Variants in NSD1 observed in about 807,000 individuals in gnomAD.
The protein encoded by NSD1 is nuclear receptor binding SET domain protein 1.
A neutral mutation model predicts 242.7 loss-of-function variants in NSD1; 26 were observed. The ratio of observed to expected loss-of-function variants is 0.11; its 90% confidence interval spans 0.08 to 0.15. NSD1 has a LOEUF of 0.15. NSD1 is among the 10% of genes least tolerant of loss of function. The pLI is 1.00. For missense variants in NSD1, 2,495 were observed against 3,272.8 expected, an observed-to-expected ratio of 0.76 and a Z score of 5.80; for synonymous variants, 1,106 against 1,178.1, an observed-to-expected ratio of 0.94 and a Z score of 1.25.
intron 5 of NSD1, among the ~76,000 whole-genome samples, chr5:177,232,532 T>C (rs75911105): frequency 2.7e-4 from 41 of 152,312 alleles, no homozygotes; most frequent in Non-Finnish European, 4.9e-4. Context: ...AGGGAAAAAC[T>C]ATCCTTCCAT....
chr5:177,223,876 C>T (rs748869967), intron 5 of NSD1, among the ~76,000 whole-genome samples: 38 of 152,056 alleles, frequency 2.5e-4, no homozygotes, highest in Non-Finnish European at 4.1e-4. Context: ...ATCCCAGCTA[C>T]TCAAGAGGCT....
chr5:177,248,475 T>G, intron 11 of NSD1, 151 bp downstream of exon 11: 4 of 1,057,190 alleles, frequency 3.8e-6, no homozygotes, highest in Non-Finnish European at 5.7e-6. Context: ...TGACCCCTTT[T>G]TTTCTCCCCA....
At chr5:177,153,211 T>G (rs1287053188) in intron 2 of NSD1, among the ~76,000 whole-genome samples, 3 of 151,260 alleles carry the variant, frequency 2.0e-5, no homozygotes, top group Admixed American at 6.6e-5. Flanking sequence ...TTTTTCTGTT[T>G]TTTTTTTTTT....
chr5:177,185,699 A>G (rs1351973252), intron 2 of NSD1, among the ~76,000 whole-genome samples: 1 of 115,454 alleles, frequency 8.7e-6, no homozygotes, highest in Non-Finnish European at 1.7e-5. Context: ...GTTTTTTATT[A>G]TAATATATAT....
rs150492535 is a variant in NSD1, at chr5:177,207,593, A to ATTTTTTTTTTTTTTTTTTTTTT, written c.1237-2035_1237-2014dup. 8.9e-5 allele frequency among the ~76,000 whole-genome samples: 7 copies of ATTTTTTTTTTTTTTTTTTTTTT among 78,220 alleles called. 2 individuals carry two copies. The highest frequency in any genetic ancestry group is 4.9e-4 in the African/African-American group (7 of 14,182). The allele number at this position is 78,220 out of a possible 152,430, so 51.3% of individuals were successfully genotyped here. A position where few individuals can be genotyped will look rare whatever the true frequency, so the allele number is the denominator to read the frequency against. The stretch of plus-strand genomic sequence containing the variant: ...CACCGTGCCTGGCCTATTTATTTAA[A>ATTTTTTTTTTTTTTTTTTTTTT]TTTTTTTTTTTTTTTTTTTTTTTTT... On this transcript the variant is annotated intron_variant, in intron 4 of 22. Coordinates refer to ENST00000439151, the MANE Select transcript of NSD1 (RefSeq NM_022455.5).
In NSD1 at chr5:177,266,075, C is replaced by T. The variant is rs186477036; in HGVS notation, c.5147-1487C>T. The T allele has an allele frequency of 8.9e-5, 99 of 1,115,472 alleles. No individual in the cohort carries two copies. In the African/African-American group the frequency reaches 1.3e-3, roughly 14 times the overall value. 69.1% of individuals were successfully genotyped at this position (1,115,472 alleles called of 1,614,324 possible). On this transcript the variant is annotated intron_variant, in intron 14 of 22. Transcript: ENST00000439151. The stretch of plus-strand genomic sequence containing the variant: ...GTGGATCTTGTAGTCTTTGTACTGC[C>T]GGTCCTCGGTGGCCGTCACATACAG...
intron 14 of NSD1, chr5:177,266,603 A>G (rs887506543): frequency 3.2e-6 from 2 of 632,816 alleles, no homozygotes; most frequent in Non-Finnish European, 4.7e-6. Flanking sequence ...ACCCGCACCT[A>G]CTCCTCTTCC....
At chr5:177,202,979 T>G (rs1762616499) in intron 3 of NSD1, among the ~76,000 whole-genome samples, 1 of 152,192 alleles carries the variant, frequency 6.6e-6, no homozygotes. Flanking sequence ...AAGTTACCGT[T>G]GACAGTTCAG....
Position 177,297,261 on chromosome 5 carries a change from C to T in NSD1, c.*1802C>T. On this transcript the variant is annotated 3_prime_UTR_variant, in exon 23 of 23. Coordinates refer to ENST00000439151, the MANE Select transcript of NSD1 (RefSeq NM_022455.5). ...TGAATTCCACCTGCCTAGTTCTCCC[C>T]TTTCATCCTCTCTCTCTTCCCACAT... 1 of 232,058 alleles carries T rather than the reference C, an allele frequency of 4.3e-6. No individual in the cohort carries two copies. Among genetic ancestry groups the T allele is most frequent in the Admixed American group, 5.6e-5 (1 of 17,740 alleles). The allele number at this position is 232,058 out of a possible 1,614,324, so 14.4% of individuals were successfully genotyped here. A position where few individuals can be genotyped will look rare whatever the true frequency, so the allele number is the denominator to read the frequency against.
chr5:177,137,930 C>G (rs1294202458), intron 2 of NSD1, among the ~76,000 whole-genome samples: 3 of 151,830 alleles, frequency 2.0e-5, no homozygotes, highest in African/African-American at 7.3e-5. Flanking sequence ...CAAAAATTAG[C>G]CGGGCGTGAT....
chr5:177,267,681 T>C lies in NSD1; in HGVS notation c.5266T>C (p.Tyr1756His). 1 of 1,614,082 alleles carries C rather than the reference T, an allele frequency of 6.2e-7. No individual in the cohort carries two copies. Among genetic ancestry groups the C allele is most frequent in the Non-Finnish European group, 8.5e-7 (1 of 1,179,990 alleles). ...CTGTAAAGCAGGCAAAAAGCCACAC[T>C]ACAGGGAGATTGTCTGGGTAAAAGT... The part of the protein sequence containing the change: ...NDCKAGKKPH[Y>H]REIVWVKVGR... The change falls in exon 15 of 23, where the codon TAC becomes CAC. Residue 1756 changes from tyrosine (Y) to histidine (H), a missense_variant. Physicochemically the swap from Tyr to His is moderately conservative, Grantham distance 83. This residue lies in a region of NSD1 where 25 missense variants were observed against 49.7 expected (regional missense o/e 0.50). Transcript: ENST00000439151.
chr5:177,215,693 A>G (rs1562218869), intron 5 of NSD1, among the ~76,000 whole-genome samples: 1 of 151,164 alleles, frequency 6.6e-6, no homozygotes, highest in Admixed American at 6.6e-5. Flanking sequence ...TGGTTTTGCC[A>G]TGTTAGCCAG....
chr5:177,214,049 C>T (rs1016839764), intron 5 of NSD1, among the ~76,000 whole-genome samples: 2 of 151,726 alleles, frequency 1.3e-5, no homozygotes, highest in African/African-American at 2.4e-5. Context: ...ACGGTATTTA[C>T]GGCCAGGTGC....
chr5:177,217,780 G>C (rs1341649080), intron 5 of NSD1, among the ~76,000 whole-genome samples: 1 of 148,140 alleles, frequency 6.8e-6, no homozygotes, highest in African/African-American at 2.5e-5. Flanking sequence ...CCATTCTCCT[G>C]CCTCAGGCTC....
At chr5:177,164,331 A>G (rs573148693) in intron 2 of NSD1, among the ~76,000 whole-genome samples, 2 of 151,694 alleles carry the variant, frequency 1.3e-5, no homozygotes, top group East Asian at 3.9e-4. Flanking sequence ...TAATTTTTGT[A>G]TTTTTAGTAG....
chr5:177,140,005 A>G (rs1343547156), intron 2 of NSD1, among the ~76,000 whole-genome samples: 1 of 151,658 alleles, frequency 6.6e-6, no homozygotes, highest in Non-Finnish European at 1.5e-5. Flanking sequence ...AGGGTTGTAG[A>G]TTTCCTGTCT....
At position 177,163,023 on chromosome 5, in the gene NSD1, G is replaced by GGTTGGTC. The variant is rs577030701; in HGVS notation, c.927+26994_927+27000dup. Among the ~76,000 whole-genome samples, 390 of 152,150 alleles carry GGTTGGTC rather than the reference G, an allele frequency of 2.6e-3. 2 individuals are homozygous for GGTTGGTC. The highest frequency in any genetic ancestry group is 6.8e-3 in the Middle Eastern group (2 of 294). ...AGACAGGGTCTCCCTGTGTTGCCCA[G>GGTTGGTC]GTTGGTCTCAAGTTCCTGGGATTAC... On this transcript the variant is annotated intron_variant, in intron 2 of 22. Transcript: ENST00000439151.
rs1457843722 is a variant in NSD1, at chr5:177,135,818, A to G, written c.715A>G (p.Lys239Glu). The change falls in exon 2 of 23, where the codon AAG (lysine) becomes GAG (glutamate). Residue 239 changes from lysine (K) to glutamate (E), a missense_variant. Lys to Glu is a moderately conservative substitution (Grantham distance 56). This residue lies in a region of NSD1 where 376 missense variants were observed against 367.4 expected (regional missense o/e 1.02). Coordinates refer to ENST00000439151, the MANE Select transcript of NSD1 (RefSeq NM_022455.5). ...TCCTCAGACTGAAACACAGAAAAATAAGCAAAGAAATGAAGTGGACGGCAG... is the reference window on the plus strand; with the variant it reads ...TCCTCAGACTGAAACACAGAAAAATGAGCAAAGAAATGAAGTGGACGGCAG... ...LAPQTETQKN[K>E]QRNEVDGSNE... 1 of 1,608,158 alleles carries G rather than the reference A, an allele frequency of 6.2e-7. No homozygotes were observed. Among genetic ancestry groups the G allele is most frequent in the East Asian group, 2.2e-5 (1 of 44,762 alleles).
chr5:177,289,801 T>G (rs945712890), intron 21 of NSD1, among the ~76,000 whole-genome samples: 4 of 151,726 alleles, frequency 2.6e-5, no homozygotes, highest in Non-Finnish European at 5.9e-5. Flanking sequence ...CATGTCTATA[T>G]TCTCCTTATT....
Sources: gnomAD v4.1 joint callset for allele counts (sites outside exome capture counted in the v4.1 genomes callset) on GRCh38, gnomAD v4.1.1 for gene constraint, gnomAD v4.1.1 regional missense constraint, MANE v1.5 for transcripts, NCBI Gene and HGNC (gene_info 2026-07-23, HGNC 2026-07-21) for gene names.